The following ATP8B2 variants were observed in gnomAD, a reference collection of about 807,000 sequenced individuals.
ATP8B2 encodes phospholipid-transporting ATPase ID.
In ATP8B2, 70 loss-of-function variants were observed where a neutral mutation model predicts 133.4. The ratio of observed to expected loss-of-function variants is 0.52; its 90% CI spans 0.43 to 0.64. The LOEUF is 0.64. Ranked by LOEUF, ATP8B2 falls within the 30% of genes least tolerant of loss-of-function variation. The pLI is 0.00. For synonymous variants in ATP8B2, 517 were observed against 589.5 expected, an observed-to-expected ratio of 0.88 and a Z score of 1.78; for missense variants, 1,101 against 1,535.7, an observed-to-expected ratio of 0.72 and a Z score of 4.73.
Position 154,331,270 on chromosome 1 carries a change from C to A in ATP8B2, c.303+124C>A. 1 of 1,131,400 alleles carries A rather than the reference C, an allele frequency of 8.8e-7. No homozygotes were observed. Among genetic ancestry groups the A allele is most frequent in the Non-Finnish European group, 1.3e-6 (1 of 776,668 alleles). 70.1% of individuals were successfully genotyped at this position (1,131,400 alleles called of 1,614,324 possible). Reference sequence around the variant, plus strand: ...GTGACCTTGACATCCCTTACCCGGTCCAGCTAGATCCATGATGTCTTTTTG... The same window carrying A: ...GTGACCTTGACATCCCTTACCCGGTACAGCTAGATCCATGATGTCTTTTTG... On this transcript the variant is annotated intron_variant, in intron 5 of 27. Transcript: ENST00000368489. This position sits in a 1 kb window ranked among gnomAD's most constrained non-coding sequence, Gnocchi z 4.8.
At chr1:154,342,401 C>G in intron 13 of ATP8B2, 79 bp from the exon 14 acceptor site, 1 of 1,416,212 alleles carries the variant, frequency 7.1e-7, no homozygotes, top group Non-Finnish European at 1.0e-6. Context: ...TACGGGGATT[C>G]TGCATTGGAG....
In ATP8B2 at chr1:154,348,956, C is replaced by T. The variant is rs371228903; in HGVS notation, c.3411C>T (p.Phe1137=). The T allele has an allele frequency of 1.2e-5, 20 of 1,614,150 alleles. 1 individual carries two copies. In the Middle Eastern group the frequency reaches 4.9e-4, roughly 40 times the overall value. ...ATGCCTTCTCCCATCAGGAGGGCTTCGGGGAGCTCATCATGTCTGGCAAGA... is the reference window on the plus strand; with the variant it reads ...ATGCCTTCTCCCATCAGGAGGGCTTTGGGGAGCTCATCATGTCTGGCAAGA... ...SGYAFSHQEG[F]GELIMSGKNM... Residue 1137 remains phenylalanine, a synonymous_variant, in exon 28 of 28, where the codon TTC becomes TTT. Transcript: ENST00000368489.
intron 9 of ATP8B2, among the ~76,000 whole-genome samples, chr1:154,332,925 G>A (rs1686047846): frequency 1.3e-5 from 2 of 152,202 alleles, no homozygotes; most frequent in Non-Finnish European, 2.9e-5. Flanking sequence ...TGCTATGCAT[G>A]TTGAGAGAAA....
rs1427625409 is a variant in ATP8B2 at position 154,341,000 on chromosome 1, C to T, written c.1181C>T (p.Thr394Met). ...GTGGAGTACATCTTCTCCGACAAGA[C>T]GGGCACCCTCACCCAGAACATCATG... ...GQVEYIFSDK[T>M]GTLTQNIMVF... Residue 394 changes from threonine to methionine, a missense_variant, in exon 13 of 28, where the codon ACG (threonine) becomes ATG (methionine). Coordinates refer to ENST00000368489, the MANE Select transcript of ATP8B2 (RefSeq NM_001370597.1). The surrounding 1 kb of genome is among the most constrained non-coding windows in gnomAD (Gnocchi z 4.0). 1.1e-5 allele frequency: 17 copies of T among 1,614,024 alleles called. No individual in the cohort carries two copies. Among genetic ancestry groups the T allele is most frequent in the Middle Eastern group, 1.6e-4 (1 of 6,084 alleles).
rs1178893814 is a variant in ATP8B2 at position 154,345,157 on chromosome 1, G to T, written c.2470+3G>T. 1.9e-6 allele frequency: 3 copies of T among 1,612,872 alleles called. No homozygotes were observed. The African/African-American group carries it at 4.0e-5, about 22-fold the overall frequency. On this transcript the variant is annotated splice_donor_region_variant and intron_variant, in intron 22 of 27. Coordinates refer to ENST00000368489, the MANE Select transcript of ATP8B2 (RefSeq NM_001370597.1). The surrounding 1 kb of genome is among the most constrained non-coding windows in gnomAD (Gnocchi z 5.6). ...CAATGATGTCAGCATGATCAAAAGTGAGTGTGGGCTGTGCAGGTGTGTAGG... is the reference window on the plus strand; with the variant it reads ...CAATGATGTCAGCATGATCAAAAGTTAGTGTGGGCTGTGCAGGTGTGTAGG...
At chr1:154,332,738 G>A (rs1049841745) in intron 9 of ATP8B2, 41 bp downstream of exon 9, 39 of 1,480,496 alleles carry the variant, frequency 2.6e-5, no homozygotes, top group Middle Eastern at 1.7e-4. Context: ...TAGAGGAGTG[G>A]GGTTGGGTTT....
At chr1:154,348,328 G>A in intron 26 of ATP8B2, 80 bp from the exon 27 acceptor site, 1 of 1,474,920 alleles carries the variant, frequency 6.8e-7, no homozygotes, top group Non-Finnish European at 9.2e-7. Flanking sequence ...TTGAGAGTAG[G>A]GAAGTGGAGC....
At chr1:154,338,534 C>T (rs796971808) in intron 12 of ATP8B2, among the ~76,000 whole-genome samples, 2 of 152,028 alleles carry the variant, frequency 1.3e-5, no homozygotes, top group South Asian at 4.2e-4. Flanking sequence ...GTGGTGGTTG[C>T]CTGTAATCCC....
chr1:154,342,182 G>A (rs1352028403), intron 13 of ATP8B2, among the ~76,000 whole-genome samples: 1 of 152,058 alleles, frequency 6.6e-6, no homozygotes, highest in Non-Finnish European at 1.5e-5. Flanking sequence ...AGGCCTGGGA[G>A]GTGTGGAATT....
rs1435047943 is a variant in ATP8B2 at position 154,349,533 on chromosome 1, C to G, written c.*415C>G. On this transcript the variant is annotated 3_prime_UTR_variant, in exon 28 of 28. Coordinates refer to ENST00000368489, the MANE Select transcript of ATP8B2 (RefSeq NM_001370597.1). ...TGTTCCTGAATTACATAAGAATGTA[C>G]CATGCCGGGAAGCCAGAGACCTGCA... is the stretch of plus-strand genomic sequence containing the variant. The G allele has an allele frequency of 5.4e-6, 1 of 184,846 alleles. No homozygotes were observed. The highest frequency in any genetic ancestry group is 2.3e-5 in the African/African-American group (1 of 43,002). The allele number at this position is 184,846 out of a possible 1,614,324, so 11.5% of individuals were successfully genotyped here. A position where few individuals can be genotyped will look rare whatever the true frequency, so the allele number is the denominator to read the frequency against.
chr1:154,349,232 G>A lies in ATP8B2; in HGVS notation c.*114G>A. The A allele has an allele frequency of 4.5e-6, 6 of 1,343,084 alleles. No individual in the cohort carries two copies. Among genetic ancestry groups the A allele is most frequent in the Non-Finnish European group, 6.1e-6 (6 of 985,438 alleles). 83.2% of individuals were successfully genotyped at this position (1,343,084 alleles called of 1,614,324 possible). On this transcript the variant is annotated 3_prime_UTR_variant, in exon 28 of 28. Transcript: ENST00000368489. ...TCATTCCTTGCTTCCCGTCCCCCCG[G>A]TAGACTCTGTCCTGCTGGTCCCACC...
At chr1:154,330,285 G>C in intron 2 of ATP8B2, 111 bp from the exon 3 acceptor site, 1 of 895,954 alleles carries the variant, frequency 1.1e-6, no homozygotes, top group Non-Finnish European at 1.8e-6. Flanking sequence ...CTCAGTTGTG[G>C]AGCTAACTCC....
chr1:154,337,840 T>A, intron 12 of ATP8B2: 1 of 1,118,374 alleles, frequency 8.9e-7, no homozygotes, highest in Non-Finnish European at 1.2e-6. Flanking sequence ...AAAAGATGAA[T>A]TAGGAATGGA....
In ATP8B2 at chr1:154,343,066, G is replaced by T. The variant is rs933944186; in HGVS notation, c.1454-47G>T. 1.4e-5 allele frequency: 23 copies of T among 1,596,894 alleles called. No individual in the cohort carries two copies. In the Admixed American group the frequency reaches 2.4e-4, roughly 17 times the overall value. On this transcript the variant is annotated intron_variant, in intron 15 of 27. Transcript: ENST00000368489. This position sits in a 1 kb window ranked among gnomAD's most constrained non-coding sequence, Gnocchi z 5.8. ...TGGGGCTTCCTGGGCGGGGCACGTGGCTGAGGGAAGCCACTTATATCACGT... is the reference window on the plus strand; with the variant it reads ...TGGGGCTTCCTGGGCGGGGCACGTGTCTGAGGGAAGCCACTTATATCACGT...
In ATP8B2 at chr1:154,344,535, G is replaced by C. The variant is rs372187904; in HGVS notation, c.2141+35G>C. The C allele has an allele frequency of 6.2e-7, 1 of 1,613,972 alleles. No individual in the cohort carries two copies. The highest frequency in any genetic ancestry group is 1.1e-5 in the South Asian group (1 of 91,084). On this transcript the variant is annotated intron_variant, in intron 20 of 27. Coordinates refer to ENST00000368489, the MANE Select transcript of ATP8B2 (RefSeq NM_001370597.1). This position sits in a 1 kb window ranked among gnomAD's most constrained non-coding sequence, Gnocchi z 4.1. ...AAGCCCAGGGGAGGCGGTGCTGTGC[G>C]TTGTGCCCAGGGCTCAGGTGGGGGT...
At chr1:154,341,226 T>C (rs776853796) in intron 13 of ATP8B2, 164 bp downstream of exon 13, 1 of 745,848 alleles carries the variant, frequency 1.3e-6, no homozygotes, top group South Asian at 1.5e-5. Flanking sequence ...GGCTCATGCC[T>C]ATAGTCATAG....
intron 11 of ATP8B2, 110 bp from the exon 12 acceptor site, chr1:154,337,238 C>A (rs770666799): frequency 7.6e-7 from 1 of 1,307,454 alleles, no homozygotes; most frequent in Non-Finnish European, 1.1e-6. Context: ...CAAGCTTGCA[C>A]TAGAGCATCT....
Position 154,331,944 on chromosome 1 carries a change from T to C in ATP8B2, c.439-10T>C. ...GCATATTTGGACTTCTCATTAGTTT[T>C]TCTCTCTAGGCGGATCTCCTCCTCC... On this transcript the variant is annotated splice_polypyrimidine_tract_variant and intron_variant, in intron 7 of 27. Coordinates refer to ENST00000368489, the MANE Select transcript of ATP8B2 (RefSeq NM_001370597.1). This position sits in a 1 kb window ranked among gnomAD's most constrained non-coding sequence, Gnocchi z 4.8. The C allele has an allele frequency of 6.2e-7, 1 of 1,613,180 alleles. No homozygotes were observed. Among genetic ancestry groups the C allele is most frequent in the Non-Finnish European group, 8.5e-7 (1 of 1,179,090 alleles).
Position 154,328,924 on chromosome 1 carries a change from C to T in ATP8B2, c.31+752C>T. On this transcript the variant is annotated intron_variant, in intron 2 of 27. Transcript: ENST00000368489. The surrounding 1 kb of genome is among the most constrained non-coding windows in gnomAD (Gnocchi z 4.6). The stretch of plus-strand genomic sequence containing the variant: ...TCCTGCACCTCCCCGGGGAGCCGCC[C>T]CGTCGATGCCACTAAGGCCAAGGAC... 1 of 1,286,310 alleles carries T rather than the reference C, an allele frequency of 7.8e-7. No individual in the cohort carries two copies. Among genetic ancestry groups the T allele is most frequent in the Non-Finnish European group, 1.0e-6 (1 of 981,342 alleles). The allele number at this position is 1,286,310 out of a possible 1,614,324, so 79.7% of individuals were successfully genotyped here. A position where few individuals can be genotyped will look rare whatever the true frequency, so the allele number is the denominator to read the frequency against.
Sources: gnomAD v4.1 joint callset for allele counts (sites outside exome capture counted in the v4.1 genomes callset) on GRCh38, gnomAD v4.1.1 for gene constraint, Gnocchi (gnomAD v3.1) non-coding constraint, MANE v1.5 for transcripts, NCBI Gene and HGNC (gene_info 2026-07-23, HGNC 2026-07-21) for gene names.